PLXDC2: variants seen among roughly 807,000 people sequenced by gnomAD.
PLXDC2 encodes the protein plexin domain-containing protein 2.
In PLXDC2, 40 loss-of-function variants were observed where a neutral mutation model predicts 68.9. The ratio of observed to expected loss-of-function variants is 0.58; its 90% CI spans 0.45 to 0.76. The LOEUF is 0.76. Among genes scored for constraint, PLXDC2 ranks in the 30% least tolerant of loss-of-function variants. PLXDC2 has a pLI of 0.00. For synonymous variants in PLXDC2, 243 were observed against 234.2 expected, an observed-to-expected ratio of 1.04 and a Z score of -0.34; for missense variants, 644 against 661.9, an observed-to-expected ratio of 0.97 and a Z score of 0.30.
rs138450343 is a variant in PLXDC2, at chr10:20,178,081, G to C, written c.1061+672G>C. 1.1e-3 allele frequency among the ~76,000 whole-genome samples: 174 copies of C among 151,998 alleles called. 2 individuals carry two copies. The highest frequency in any genetic ancestry group is 9.0e-3 in the South Asian group (43 of 4,800). ...TTATGAGATATATTTTCATAGCAAG[G>C]GTGGTTTATAATAATCACATGAACA... is the stretch of plus-strand genomic sequence containing the variant. On this transcript the variant is annotated intron_variant, in intron 9 of 13. Coordinates refer to ENST00000377252, the MANE Select transcript of PLXDC2 (RefSeq NM_032812.9).
chr10:20,145,712 G>A (rs1188305968), intron 5 of PLXDC2, among the ~76,000 whole-genome samples: 1 of 151,932 alleles, frequency 6.6e-6, no homozygotes, highest in Non-Finnish European at 1.5e-5. Flanking sequence ...ACCACGCCCG[G>A]CTAATTTTTT....
intron 1 of PLXDC2, among the ~76,000 whole-genome samples, chr10:19,869,620 G>C (rs1041898718): frequency 6.6e-6 from 1 of 151,868 alleles, no homozygotes; most frequent in Non-Finnish European, 1.5e-5. Flanking sequence ...AATGTGGTTA[G>C]TTATTATATT....
At chr10:19,934,372 A>G (rs903719968) in intron 1 of PLXDC2, among the ~76,000 whole-genome samples, 1 of 152,252 alleles carries the variant, frequency 6.6e-6, no homozygotes, top group Non-Finnish European at 1.5e-5. Flanking sequence ...AGAAGCTAAT[A>G]TAAAACAAGA....
intron 13 of PLXDC2, among the ~76,000 whole-genome samples, chr10:20,245,853 G>A (rs1175834356): frequency 6.6e-6 from 1 of 152,134 alleles, no homozygotes; most frequent in African/African-American, 2.4e-5. Context: ...TATCTGGGGG[G>A]CTGAAGACTT....
chr10:19,908,223 C>T (rs925015165), intron 1 of PLXDC2, among the ~76,000 whole-genome samples: 2 of 152,058 alleles, frequency 1.3e-5, no homozygotes, highest in East Asian at 1.9e-4. Context: ...AAAAATCTTT[C>T]ACTAATCAAT....
At chr10:20,104,616 A>G (rs1160330955) in intron 4 of PLXDC2, among the ~76,000 whole-genome samples, 2 of 152,208 alleles carry the variant, frequency 1.3e-5, no homozygotes, top group Non-Finnish European at 2.9e-5. Context: ...ATTAGTTTAC[A>G]TAAATGTCCT....
rs1836346258 is a variant in PLXDC2 at position 19,816,611 on chromosome 10, CAG to C, written c.-466_-465del. The C allele has an allele frequency of 5.6e-6, 1 of 178,708 alleles. No individual in the cohort carries two copies. The highest frequency in any genetic ancestry group is 1.2e-5 in the Non-Finnish European group (1 of 83,128). 11.1% of individuals were successfully genotyped at this position (178,708 alleles called of 1,614,324 possible). ...ACCTCCTGCCGGGGCCATCCCTAGA[CAG>C]AGGAAAGTTCCTGCAGAGCCGACCA... is the stretch of plus-strand genomic sequence containing the variant. On this transcript the variant is annotated 5_prime_UTR_variant, in exon 1 of 14. Transcript: ENST00000377252.
At chr10:20,139,827 G>A (rs1466180317) in intron 4 of PLXDC2, among the ~76,000 whole-genome samples, 2 of 150,986 alleles carry the variant, frequency 1.3e-5, no homozygotes, top group Non-Finnish European at 3.0e-5. Flanking sequence ...ACACAGGGAG[G>A]GGAACATCAC....
intron 1 of PLXDC2, among the ~76,000 whole-genome samples, chr10:19,960,126 G>A (rs2131601901): frequency 6.7e-6 from 1 of 150,224 alleles, no homozygotes; most frequent in African/African-American, 2.4e-5. Context: ...GGGGGGCTGA[G>A]GTAGAAGGAT....
intron 1 of PLXDC2, among the ~76,000 whole-genome samples, chr10:19,853,906 A>G (rs1837167018): frequency 6.6e-6 from 1 of 151,664 alleles, no homozygotes; most frequent in Non-Finnish European, 1.5e-5. Context: ...GAAGGCTTTG[A>G]CTCCCCTTTA....
In PLXDC2 at chr10:20,260,529, C is replaced by G. The variant is rs186917407; in HGVS notation, c.1473+15024C>G. Among the ~76,000 whole-genome samples the G allele has an allele frequency of 3.9e-5, 6 of 152,318 alleles. No individual in the cohort carries two copies. In the South Asian group the frequency reaches 8.3e-4, roughly 21 times the overall value. On this transcript the variant is annotated intron_variant, in intron 13 of 13. Transcript: ENST00000377252. ...TACGTTGTTGCAAAAGGCAGTGTCT[C>G]CTTTTTTAAGGCTGAATAGTATTTC...
intron 1 of PLXDC2, among the ~76,000 whole-genome samples, chr10:19,948,736 A>G (rs994421590): frequency 6.6e-6 from 1 of 152,120 alleles, no homozygotes; most frequent in South Asian, 2.1e-4. Flanking sequence ...GGTGTTGATA[A>G]TAAAAGAACT....
At chr10:20,151,101 T>C (rs1205277817) in intron 6 of PLXDC2, among the ~76,000 whole-genome samples, 1 of 152,236 alleles carries the variant, frequency 6.6e-6, no homozygotes, top group African/African-American at 2.4e-5. Flanking sequence ...TTTCTACTTT[T>C]CTAGTCTACC....
intron 13 of PLXDC2, among the ~76,000 whole-genome samples, chr10:20,278,106 A>C (rs946928232): frequency 2.6e-5 from 4 of 152,130 alleles, no homozygotes; most frequent in African/African-American, 7.2e-5. Flanking sequence ...TGGACACTTC[A>C]GTTACTTCCA....
intron 12 of PLXDC2, among the ~76,000 whole-genome samples, chr10:20,232,826 T>C (rs1835382953): frequency 6.6e-6 from 1 of 152,180 alleles, no homozygotes; most frequent in African/African-American, 2.4e-5. Flanking sequence ...TATATACAGT[T>C]ATAAAAATTT....
chr10:20,108,129 A>G (rs1328244573), intron 4 of PLXDC2, among the ~76,000 whole-genome samples: 2 of 152,218 alleles, frequency 1.3e-5, no homozygotes, highest in Admixed American at 1.3e-4. Context: ...TCCAATAAGC[A>G]TTGAATGAAA....
chr10:20,144,283 C>T (rs1043767650), intron 5 of PLXDC2, among the ~76,000 whole-genome samples: 1 of 152,064 alleles, frequency 6.6e-6, no homozygotes, highest in African/African-American at 2.4e-5. Context: ...CTACTTTTAT[C>T]TTATTTCTGA....
chr10:19,820,510 T>G (rs1446586176), intron 1 of PLXDC2, among the ~76,000 whole-genome samples: 1 of 151,674 alleles, frequency 6.6e-6, no homozygotes, highest in Non-Finnish European at 1.5e-5. Context: ...GGCGGGCGCC[T>G]GTAGTCCCAG....
chr10:20,084,455 G>A (rs1833162500), intron 4 of PLXDC2, among the ~76,000 whole-genome samples: 1 of 152,122 alleles, frequency 6.6e-6, no homozygotes, highest in Non-Finnish European at 1.5e-5. Context: ...CCACAGTGGG[G>A]AGTCATTCTG....
Sources: allele counts gnomAD v4.1 joint callset (sites outside exome capture counted in the v4.1 genomes callset), GRCh38; gene constraint gnomAD v4.1.1; transcripts MANE v1.5; gene names NCBI Gene and HGNC (gene_info 2026-07-23, HGNC 2026-07-21).